Variants in PRR16 observed in about 807,000 individuals in gnomAD.
PRR16 encodes the protein proline rich 16.
A neutral mutation model predicts 18.2 loss-of-function variants in PRR16; 6 were observed. That is an observed-to-expected ratio of 0.33 (90% CI 0.18 to 0.65). The LOEUF (loss-of-function observed/expected upper bound fraction) is 0.65. Ranked by LOEUF, PRR16 falls within the 30% of genes least tolerant of loss-of-function variation. PRR16 has a pLI of 0.74. For missense variants in PRR16, 412 were observed against 376.6 expected (o/e 1.09, Z -0.78); for synonymous variants, 151 against 147.8 (o/e 1.02, Z -0.16).
chr5:120,520,023 G>T (rs1331773174), intron 1 of PRR16, among the ~76,000 whole-genome samples: 1 of 151,814 alleles, frequency 6.6e-6, no homozygotes, highest in Admixed American at 6.6e-5. Flanking sequence ...CATTAATCCT[G>T]AACATTGTTA....
intron 1 of PRR16, among the ~76,000 whole-genome samples, chr5:120,521,230 T>C (rs1209118733): frequency 6.6e-6 from 1 of 152,106 alleles, no homozygotes; most frequent in Non-Finnish European, 1.5e-5. Flanking sequence ...AGATGAGTCC[T>C]TTATTTTTTG....
At chr5:120,701,630 C>T in the PRR16 span, among the ~76,000 whole-genome samples, 5 of 141,330 alleles carry the variant, frequency 3.5e-5, no homozygotes, top group East Asian at 7.7e-4. Context: ...GGATCTAGCT[C>T]GGCCTGGCAA....
At chr5:120,611,755 G>A (rs1365577265) in intron 1 of PRR16, among the ~76,000 whole-genome samples, 1 of 152,222 alleles carries the variant, frequency 6.6e-6, no homozygotes, top group African/African-American at 2.4e-5. Flanking sequence ...TGCTAGGGCA[G>A]TGCAGAAGGA....
chr5:120,504,710 A>C lies in PRR16; in HGVS notation c.159+40065A>C, dbSNP rs187134769. 1.5e-3 allele frequency among the ~76,000 whole-genome samples: 222 copies of C among 152,306 alleles called. 2 individuals are homozygous for C. The highest frequency in any genetic ancestry group is 5.1e-3 in the African/African-American group (210 of 41,574). On this transcript the variant is annotated intron_variant, in intron 1 of 1. Coordinates refer to ENST00000407149, the MANE Select transcript of PRR16 (RefSeq NM_001300783.2). ...GAGCCAGTTTCTTGCTTCCCAGCCA[A>C]GCAGGTCCCTCAGTTACAGGGATCC...
At chr5:120,595,531 G>A (rs10077211) in intron 1 of PRR16, among the ~76,000 whole-genome samples, 99,129 of 151,746 alleles carry the variant, frequency 0.65, 33,766 homozygotes, top group East Asian at 0.85. Flanking sequence ...ATTGTCGGAA[G>A]TAGTGTGACA....
intron 1 of PRR16, among the ~76,000 whole-genome samples, chr5:120,591,046 G>A (rs1238213179): frequency 3.9e-5 from 6 of 151,972 alleles, no homozygotes; most frequent in Non-Finnish European, 5.9e-5. Context: ...TTGGGAGGCC[G>A]AGGTGGGCAG....
At chr5:120,713,390 C>A in the PRR16 span, among the ~76,000 whole-genome samples, 2 of 152,042 alleles carry the variant, frequency 1.3e-5, no homozygotes, top group South Asian at 4.2e-4. Context: ...CCTGACTAAT[C>A]CAGACAAGTT....
rs555076122 is a variant in PRR16, at chr5:120,661,830, C to T, written c.160-24124C>T. On this transcript the variant is annotated intron_variant, in intron 1 of 1. Transcript: ENST00000407149. ...GAATTCCCCAACCATTGTTTTAAAA[C>T]ACATTTCAAGGACTCGTAGTAGCTC... 9.9e-5 allele frequency among the ~76,000 whole-genome samples: 15 copies of T among 152,198 alleles called. No homozygotes were observed. The South Asian group carries it at 1.7e-3, about 17-fold the overall frequency.
chr5:120,611,343 G>A (rs931250613), intron 1 of PRR16, among the ~76,000 whole-genome samples: 6 of 152,194 alleles, frequency 3.9e-5, no homozygotes, highest in African/African-American at 9.6e-5. Context: ...GTAACAAGGA[G>A]CCTAATGTTA....
the PRR16 span, among the ~76,000 whole-genome samples, chr5:120,718,871 T>C: frequency 2.0e-5 from 3 of 152,054 alleles, no homozygotes; most frequent in Non-Finnish European, 2.9e-5. Context: ...CAGTAAAAGA[T>C]TGTAACCATT....
chr5:120,711,604 G>A, the PRR16 span, among the ~76,000 whole-genome samples: 2 of 152,096 alleles, frequency 1.3e-5, no homozygotes, highest in Non-Finnish European at 2.9e-5. Context: ...TGCGATCTGG[G>A]CCATATAGTC....
chr5:120,754,881 A>T, the PRR16 span, among the ~76,000 whole-genome samples: 1 of 151,374 alleles, frequency 6.6e-6, no homozygotes, highest in South Asian at 2.1e-4. Context: ...CATGAGGTAT[A>T]AGGAGAGTGA....
At chr5:120,542,312 G>T (rs545658325) in intron 1 of PRR16, among the ~76,000 whole-genome samples, 2 of 151,882 alleles carry the variant, frequency 1.3e-5, no homozygotes, top group South Asian at 4.2e-4. Context: ...TTTATTAATG[G>T]TTTCTCAGTA....
chr5:120,672,573 A>C (rs903640136), intron 1 of PRR16, among the ~76,000 whole-genome samples: 1 of 150,962 alleles, frequency 6.6e-6, no homozygotes. Context: ...TGTGTAATAG[A>C]TACATATTTA....
At position 120,481,982 on chromosome 5, in the gene PRR16, C is replaced by T. The variant is rs1010173899; in HGVS notation, c.159+17337C>T. 3.3e-5 allele frequency among the ~76,000 whole-genome samples: 5 copies of T among 151,924 alleles called. No individual in the cohort carries two copies. The South Asian group carries it at 6.2e-4, about 19-fold the overall frequency. On this transcript the variant is annotated intron_variant, in intron 1 of 1. Transcript: ENST00000407149. ...TATGAGTGCCATAATTTTAATGTGTCTTTAAATGAAATTTAGCATGGGAGC... is the reference window on the plus strand; with the variant it reads ...TATGAGTGCCATAATTTTAATGTGTTTTTAAATGAAATTTAGCATGGGAGC...
chr5:120,707,933 A>G, the PRR16 span, among the ~76,000 whole-genome samples: 5 of 152,264 alleles, frequency 3.3e-5, no homozygotes, highest in African/African-American at 9.6e-5. Context: ...CTATAAACCA[A>G]TGGCCTGGTG....
the PRR16 span, among the ~76,000 whole-genome samples, chr5:120,743,058 TC>T: frequency 6.6e-6 from 1 of 152,356 alleles, no homozygotes; most frequent in Non-Finnish European, 1.5e-5. Context: ...TATGCAAAGT[TC>T]CTGTTCTACC....
chr5:120,687,788 G>T (rs1054488126), downstream of PRR16, among the ~76,000 whole-genome samples: 3 of 152,182 alleles, frequency 2.0e-5, no homozygotes, highest in Non-Finnish European at 4.4e-5. Context: ...AGAAAGAGAA[G>T]AAATCTTTCC....
At chr5:120,557,253 G>A (rs568960681) in intron 1 of PRR16, among the ~76,000 whole-genome samples, 1 of 151,960 alleles carries the variant, frequency 6.6e-6, no homozygotes, top group Admixed American at 6.6e-5. Flanking sequence ...GAAGTTTTCA[G>A]TAGTAAGTAG....
Sources: allele counts gnomAD v4.1 joint callset (sites outside exome capture counted in the v4.1 genomes callset), GRCh38; gene constraint gnomAD v4.1.1; transcripts MANE v1.5; gene names NCBI Gene and HGNC (gene_info 2026-07-23, HGNC 2026-07-21).